The following FAF1 variants were observed in gnomAD, a reference collection of about 807,000 sequenced individuals.
FAF1 encodes Fas associated factor 1, also known as FAS-associated factor 1.
In FAF1, 25 loss-of-function variants were observed where a neutral mutation model predicts 92.5. That is an observed-to-expected ratio of 0.27 (90% confidence interval 0.20 to 0.38). The LOEUF (loss-of-function observed/expected upper bound fraction) is 0.38, where lower values mean the gene tolerates loss of function less well. Among genes scored for constraint, FAF1 ranks in the 10% least tolerant of loss-of-function variants. FAF1 has a pLI of 1.00. For synonymous variants in FAF1, 234 were observed against 273.2 expected, an observed-to-expected ratio of 0.86 and a Z score of 1.42; for missense variants, 636 against 793.3, an observed-to-expected ratio of 0.80 and a Z score of 2.38.
intron 2 of FAF1, among the ~76,000 whole-genome samples, chr1:50,845,307 G>T (rs1466809347): frequency 1.3e-5 from 2 of 152,174 alleles, no homozygotes; most frequent in Non-Finnish European, 2.9e-5. Context: ...CATGGGTCCA[G>T]AACACTCTCT....
chr1:50,899,313 C>A (rs181291784), intron 1 of FAF1, among the ~76,000 whole-genome samples: 2 of 152,058 alleles, frequency 1.3e-5, no homozygotes, highest in East Asian at 3.9e-4. Flanking sequence ...TTTTAATGAC[C>A]TTCTATCATC....
chr1:50,646,579 A>G (rs1217647618), intron 8 of FAF1, among the ~76,000 whole-genome samples: 1 of 152,244 alleles, frequency 6.6e-6, no homozygotes, highest in Non-Finnish European at 1.5e-5. Flanking sequence ...GAGGAATACA[A>G]GTATACAAAT....
At chr1:50,789,870 C>A (rs1182177233) in intron 3 of FAF1, among the ~76,000 whole-genome samples, 1 of 152,166 alleles carries the variant, frequency 6.6e-6, no homozygotes, top group African/African-American at 2.4e-5. Flanking sequence ...GGCGCATGGT[C>A]TTTCATTTCT....
intron 8 of FAF1, among the ~76,000 whole-genome samples, chr1:50,620,219 C>G (rs1182006487): frequency 6.6e-6 from 1 of 152,130 alleles, no homozygotes; most frequent in Non-Finnish European, 1.5e-5. Context: ...GATTTGGTCT[C>G]TTAACATAAT....
At chr1:50,660,512 T>C (rs1290609818) in intron 7 of FAF1, among the ~76,000 whole-genome samples, 1 of 151,700 alleles carries the variant, frequency 6.6e-6, no homozygotes. Flanking sequence ...TTTTTTTTTT[T>C]TCCCAAGACA....
At chr1:50,926,650 T>C (rs1010199055) in intron 1 of FAF1, among the ~76,000 whole-genome samples, 1 of 152,106 alleles carries the variant, frequency 6.6e-6, no homozygotes, top group African/African-American at 2.4e-5. Context: ...TCACTACACA[T>C]TGCATATTCT....
chr1:50,847,719 T>A (rs1644313857), intron 2 of FAF1, among the ~76,000 whole-genome samples: 1 of 152,168 alleles, frequency 6.6e-6, no homozygotes, highest in African/African-American at 2.4e-5. Flanking sequence ...CTCACAACAT[T>A]GTGAATACAC....
At chr1:50,696,171 T>C (rs1318873682) in intron 7 of FAF1, among the ~76,000 whole-genome samples, 1 of 152,168 alleles carries the variant, frequency 6.6e-6, no homozygotes, top group Admixed American at 6.5e-5. Flanking sequence ...CATTCCATAG[T>C]GTAATCCTGG....
intron 15 of FAF1, among the ~76,000 whole-genome samples, chr1:50,532,888 T>C (rs554130496): frequency 6.6e-6 from 1 of 152,340 alleles, no homozygotes; most frequent in Non-Finnish European, 1.5e-5. Context: ...CATAGCTCAC[T>C]GCAGCCTTCA....
chr1:50,570,572 A>G (rs976360382), intron 12 of FAF1, among the ~76,000 whole-genome samples: 1 of 152,214 alleles, frequency 6.6e-6, no homozygotes, highest in African/African-American at 2.4e-5. Context: ...AATGTGAGAA[A>G]GGAGATGATA....
chr1:50,670,651 G>A (rs1016349503), intron 7 of FAF1, among the ~76,000 whole-genome samples: 3 of 152,102 alleles, frequency 2.0e-5, no homozygotes, highest in African/African-American at 4.8e-5. Context: ...GAGGCAGGGT[G>A]CCTGGATTCT....
chr1:50,521,776 TTC>T (rs201450132), intron 15 of FAF1, among the ~76,000 whole-genome samples: 1,917 of 152,336 alleles, frequency 0.013, 16 homozygotes, highest in Middle Eastern at 0.058. Context: ...ATCAATTGTG[TTC>T]TGTCATTACA....
intron 13 of FAF1, among the ~76,000 whole-genome samples, chr1:50,562,967 A>G (rs1371898051): frequency 1.3e-5 from 2 of 152,200 alleles, no homozygotes; most frequent in Non-Finnish European, 2.9e-5. Context: ...CATTTTACCT[A>G]AACAATACAG....
At chr1:50,616,826 AT>A (rs925232733) in intron 8 of FAF1, among the ~76,000 whole-genome samples, 1 of 152,036 alleles carries the variant, frequency 6.6e-6, no homozygotes, top group Non-Finnish European at 1.5e-5. Flanking sequence ...GATTACAAGC[AT>A]GCGCCACCAT....
intron 1 of FAF1, among the ~76,000 whole-genome samples, chr1:50,878,337 A>C (rs974889382): frequency 1.3e-5 from 2 of 152,226 alleles, no homozygotes; most frequent in African/African-American, 4.8e-5. Context: ...AGCAGTCCTC[A>C]GAGAACTAAA....
At chr1:50,538,818 G>A (rs1439593223) in intron 14 of FAF1, among the ~76,000 whole-genome samples, 2 of 152,104 alleles carry the variant, frequency 1.3e-5, no homozygotes, top group Non-Finnish European at 2.9e-5. Context: ...AAATGCTAGA[G>A]GTCTGGTTTT....
chr1:50,751,546 G>T (rs573769203), intron 4 of FAF1, among the ~76,000 whole-genome samples: 1 of 152,096 alleles, frequency 6.6e-6, no homozygotes, highest in Non-Finnish European at 1.5e-5. Context: ...GTTTCACCAC[G>T]TTGGCCAGAC....
At chr1:50,955,656 A>C (rs6659011) in intron 1 of FAF1, among the ~76,000 whole-genome samples, 13,085 of 152,258 alleles carry the variant, frequency 0.086, 723 homozygotes, top group South Asian at 0.19. Flanking sequence ...AAAAGAATTG[A>C]AAGCAGAAGC....
intron 1 of FAF1, among the ~76,000 whole-genome samples, chr1:50,912,013 G>A (rs1185054127): frequency 1.3e-5 from 2 of 151,876 alleles, no homozygotes; most frequent in Admixed American, 1.3e-4. Flanking sequence ...CTCTAGCCTA[G>A]GTGGCAGGGT....
Sources: gnomAD v4.1 joint callset for allele counts (sites outside exome capture counted in the v4.1 genomes callset) on GRCh38, gnomAD v4.1.1 for gene constraint, MANE v1.5 for transcripts, NCBI Gene and HGNC (gene_info 2026-07-23, HGNC 2026-07-21) for gene names.